The following DTNA variants were observed in gnomAD, a reference collection of about 807,000 sequenced individuals.
The protein encoded by DTNA is dystrophin-related protein 3.
A neutral mutation model predicts 100.7 loss-of-function variants in DTNA; 43 were observed. That is an observed-to-expected ratio of 0.43 (90% CI 0.33 to 0.55). The LOEUF is 0.55. Among genes scored for constraint, DTNA ranks in the 20% least tolerant of loss-of-function variants. The pLI, the probability that DTNA is intolerant of heterozygous loss-of-function variation, is 0.04. For synonymous variants in DTNA, 349 were observed against 347.9 expected, an observed-to-expected ratio of 1.00 and a Z score of -0.04; for missense variants, 798 against 953.9, an observed-to-expected ratio of 0.84 and a Z score of 2.15.
chr18:34,694,663 G>A (rs1471978925), intron 1 of DTNA, among the ~76,000 whole-genome samples: 1 of 152,096 alleles, frequency 6.6e-6, no homozygotes, highest in African/African-American at 2.4e-5. Context: ...ATCCTAGTTG[G>A]ATAAGTAAGG....
At chr18:34,546,227 C>A (rs1006129620) in intron 1 of DTNA, among the ~76,000 whole-genome samples, 1 of 152,038 alleles carries the variant, frequency 6.6e-6, no homozygotes, top group Admixed American at 6.5e-5. Flanking sequence ...GAATATATTT[C>A]TTCTCATATT....
At chr18:34,714,678 AT>A (rs1452603196) in intron 1 of DTNA, among the ~76,000 whole-genome samples, 1 of 151,942 alleles carries the variant, frequency 6.6e-6, no homozygotes, top group Non-Finnish European at 1.5e-5. Flanking sequence ...CAGTGTGGCG[AT>A]TCCTCAGGGA....
At chr18:34,556,991 A>G (rs2046129648) in intron 1 of DTNA, among the ~76,000 whole-genome samples, 1 of 148,862 alleles carries the variant, frequency 6.7e-6, no homozygotes, top group African/African-American at 2.5e-5. Flanking sequence ...CATTCTCCCC[A>G]TCACTTTCAG....
At chr18:34,867,807 C>T in intron 17 of DTNA, 1 of 985,516 alleles carries the variant, frequency 1.0e-6, no homozygotes, top group Non-Finnish European at 1.2e-6. Context: ...GCCACTGCCC[C>T]CTCACCTTCC....
intron 2 of DTNA, among the ~76,000 whole-genome samples, chr18:34,761,836 T>G (rs1056637690): frequency 6.6e-6 from 1 of 152,170 alleles, no homozygotes; most frequent in Non-Finnish European, 1.5e-5. Flanking sequence ...AACTAATAAA[T>G]CACTTAGATC....
chr18:34,574,244 C>T (rs1317843914), intron 1 of DTNA: 1 of 152,902 alleles, frequency 6.5e-6, no homozygotes, highest in African/African-American at 2.4e-5. Flanking sequence ...AACTTGCCAG[C>T]CTTATTTAGG....
intron 19 of DTNA, among the ~76,000 whole-genome samples, chr18:34,878,230 G>A (rs1484366345): frequency 5.9e-5 from 9 of 151,916 alleles, no homozygotes; most frequent in African/African-American, 2.2e-4. Context: ...CTCCTGCCTC[G>A]GCCTCCCAAA....
intron 1 of DTNA, among the ~76,000 whole-genome samples, chr18:34,646,588 A>T (rs1322364282): frequency 6.6e-6 from 1 of 152,256 alleles, no homozygotes; most frequent in Non-Finnish European, 1.5e-5. Flanking sequence ...GCAATATGAC[A>T]TCGGAAGTAC....
chr18:34,633,136 A>G (rs1280778906), intron 1 of DTNA, among the ~76,000 whole-genome samples: 1 of 152,164 alleles, frequency 6.6e-6, no homozygotes, highest in East Asian at 1.9e-4. Flanking sequence ...AACTATTCTG[A>G]TATCTGGATT....
chr18:34,745,678 C>T (rs1466088669), intron 1 of DTNA, among the ~76,000 whole-genome samples: 3 of 152,182 alleles, frequency 2.0e-5, no homozygotes, highest in African/African-American at 7.2e-5. Flanking sequence ...CTTGCCCTGT[C>T]CCTTGGGCAG....
At position 34,890,246 on chromosome 18, in the gene DTNA, A is replaced by T; in HGVS notation, c.*2512A>T. 1 of 1,512,090 alleles carries T rather than the reference A, an allele frequency of 6.6e-7. No homozygotes were observed. Among genetic ancestry groups the T allele is most frequent in the African/African-American group, 1.4e-5 (1 of 72,258 alleles). 93.7% of individuals were successfully genotyped at this position (1,512,090 alleles called of 1,614,324 possible). ...ATAAAGCCATTGCAAGGACTCTGGA[A>T]ACTGCCGCCAATGACCAATTTCTGA... is the stretch of plus-strand genomic sequence containing the variant. On this transcript the variant is annotated 3_prime_UTR_variant, in exon 23 of 23. Transcript: ENST00000444659.
At chr18:34,805,163 A>G (rs2095328527) in intron 4 of DTNA, among the ~76,000 whole-genome samples, 2 of 152,214 alleles carry the variant, frequency 1.3e-5, no homozygotes, top group African/African-American at 4.8e-5. Context: ...TATAAGAATA[A>G]ACAGTTGATT....
At position 34,794,178 on chromosome 18, in the gene DTNA, C is replaced by T; in HGVS notation, c.290C>T (p.Pro97Leu). ...TTTTACCAGCTCAACAAACGGATGC[C>T]AACCACTCACCAAATCCATGTGGAG... ...TIFYQLNKRM[P>L]TTHQIHVEQS... The change falls in exon 4 of 23, where the codon CCA becomes CTA. Residue 97 changes from proline (P) to leucine (L), a missense_variant. Physicochemically the swap from Pro to Leu is moderately conservative, Grantham distance 98. Around this residue, in one of 6 missense-constraint regions of DTNA, gnomAD observed 197 missense variants for 215.4 expected, o/e 0.91. Transcript: ENST00000444659. The T allele has an allele frequency of 6.2e-7, 1 of 1,614,132 alleles. No individual in the cohort carries two copies.
Position 34,888,751 on chromosome 18 carries a change from A to G in DTNA, c.*1017A>G. ...TGTTCCTCTCGTTTTGGCTTTAGGA[A>G]GCATGTCTTTAACAGCACCGCTCGT... On this transcript the variant is annotated 3_prime_UTR_variant, in exon 23 of 23. Transcript: ENST00000444659. The G allele has an allele frequency of 1.0e-6, 1 of 985,886 alleles. No homozygotes were observed. Among genetic ancestry groups the G allele is most frequent in the Non-Finnish European group, 1.2e-6 (1 of 829,948 alleles). The allele number at this position is 985,886 out of a possible 1,614,324, so 61.1% of individuals were successfully genotyped here.
chr18:34,834,637 C>A (rs1164983480), intron 11 of DTNA, among the ~76,000 whole-genome samples: 1 of 152,090 alleles, frequency 6.6e-6, no homozygotes, highest in Non-Finnish European at 1.5e-5. Flanking sequence ...TGGTTTGTGC[C>A]AAGATCACAT....
intron 10 of DTNA, 54 bp downstream of exon 10, chr18:34,827,730 T>C: frequency 6.4e-7 from 1 of 1,551,396 alleles, no homozygotes; most frequent in Non-Finnish European, 8.9e-7. Context: ...TGAGCCTTGA[T>C]TCTGTGGTAA....
At chr18:34,631,320 C>T (rs1275800810) in intron 1 of DTNA, among the ~76,000 whole-genome samples, 1 of 152,130 alleles carries the variant, frequency 6.6e-6, no homozygotes, top group African/African-American at 2.4e-5. Context: ...TCATTTAAGG[C>T]AATGTCTGAC....
rs185620024 is a variant in DTNA at position 34,532,726 on chromosome 18, G to T, written c.-2+39212G>T. 6.6e-4 allele frequency among the ~76,000 whole-genome samples: 97 copies of T among 147,674 alleles called. 1 individual carries two copies. The highest frequency in any genetic ancestry group is 1.2e-3 in the Non-Finnish European group (83 of 67,862). On this transcript the variant is annotated intron_variant, in intron 1 of 19. Transcript: ENST00000283365. ...CCCTAGTGGGCTGTAAGACCTCTGAGAATGAGAACTGTATATGTATATTTA... is the reference window on the plus strand; with the variant it reads ...CCCTAGTGGGCTGTAAGACCTCTGATAATGAGAACTGTATATGTATATTTA...
intron 17 of DTNA, 78 bp downstream of exon 17, chr18:34,864,140 G>A: frequency 1.5e-6 from 2 of 1,314,636 alleles, no homozygotes; most frequent in Non-Finnish European, 2.1e-6. Flanking sequence ...ATGTGCAATG[G>A]TTTTTCCAAT....
Sources: allele counts gnomAD v4.1 joint callset (sites outside exome capture counted in the v4.1 genomes callset), GRCh38; gene constraint gnomAD v4.1.1; regional missense constraint gnomAD v4.1.1; transcripts MANE v1.5; gene names NCBI Gene and HGNC (gene_info 2026-07-23, HGNC 2026-07-21).